The following GPR141 variants were observed in gnomAD, a reference collection of about 807,000 sequenced individuals.
The protein encoded by GPR141 is probable G protein-coupled receptor 141.
Under a neutral mutation model 6.8 loss-of-function variants are expected in GPR141, and 6 were observed. The ratio of observed to expected loss-of-function variants is 0.88; its 90% CI spans 0.48 to 1.74. GPR141 has a LOEUF of 1.74. Ranked by LOEUF, GPR141 falls within the 40% of genes most tolerant of loss-of-function variation. GPR141 has a pLI of 0.01. For missense variants in GPR141, 372 were observed against 372.9 expected (o/e 1.00, Z 0.02); for synonymous variants, 140 against 142.3 (o/e 0.98, Z 0.11).
intron 2 of GPR141, among the ~76,000 whole-genome samples, chr7:37,699,674 A>C (rs1468046865): frequency 6.6e-6 from 1 of 152,252 alleles, no homozygotes; most frequent in African/African-American, 2.4e-5. Flanking sequence ...CTTTTTATCT[A>C]GATGATAAGT....
intron 2 of GPR141, among the ~76,000 whole-genome samples, chr7:37,712,624 C>T (rs1197295824): frequency 6.6e-6 from 1 of 152,164 alleles, no homozygotes; most frequent in Non-Finnish European, 1.5e-5. Context: ...AGATGAGAAA[C>T]AGTGGCTGCC....
chr7:37,728,790 G>A (rs993475401), intron 2 of GPR141, among the ~76,000 whole-genome samples: 2 of 152,132 alleles, frequency 1.3e-5, no homozygotes, highest in African/African-American at 4.8e-5. Flanking sequence ...ATGCAGGCAG[G>A]ATGGGAGAAT....
intron 1 of GPR141, among the ~76,000 whole-genome samples, chr7:37,684,997 C>CA (rs1295736988): frequency 4.6e-5 from 7 of 152,220 alleles, no homozygotes; most frequent in Admixed American, 1.3e-4. Flanking sequence ...ACTTTTTCTA[C>CA]AAAAGCCTTG....
chr7:37,743,645 T>C lies in GPR141; in HGVS notation c.*2334T>C, dbSNP rs903740456. 2.6e-5 allele frequency among the ~76,000 whole-genome samples: 4 copies of C among 152,116 alleles called. No individual in the cohort carries two copies. Among genetic ancestry groups the C allele is most frequent in the African/African-American group, 4.8e-5 (2 of 41,450 alleles). On this transcript the variant is annotated 3_prime_UTR_variant, in exon 3 of 3. Coordinates refer to ENST00000334425, the MANE Select transcript of GPR141 (RefSeq NM_001381946.1). Reference sequence around the variant, plus strand: ...CATACTCTTTTCCAGATTTTAGATATGTTGAGGTCAGGCAATTCAAAAGAA... The same window carrying C: ...CATACTCTTTTCCAGATTTTAGATACGTTGAGGTCAGGCAATTCAAAAGAA...
chr7:37,733,682 A>AAAAAAG (rs1812094418), intron 2 of GPR141, among the ~76,000 whole-genome samples: 1 of 151,372 alleles, frequency 6.6e-6, no homozygotes, highest in Non-Finnish European at 1.5e-5. Flanking sequence ...AAAAAAAAAA[A>AAAAAAG]AAAAAAGAAA....
Position 37,741,315 on chromosome 7 carries a change from C to A in GPR141, c.*4C>A. ...GAATTGTGTTTTGTGCCGTTAGCCA[C>A]AAACTACAGTATTCATATTTGCTTC... On this transcript the variant is annotated 3_prime_UTR_variant, in exon 3 of 3. Coordinates refer to ENST00000334425, the MANE Select transcript of GPR141 (RefSeq NM_001381946.1). The A allele has an allele frequency of 6.4e-7, 1 of 1,567,000 alleles. No individual in the cohort carries two copies.
At chr7:37,704,092 G>A (rs1810414431) in intron 2 of GPR141, among the ~76,000 whole-genome samples, 1 of 152,122 alleles carries the variant, frequency 6.6e-6, no homozygotes, top group African/African-American at 2.4e-5. Context: ...GAGACCCACT[G>A]ATAGTATAGA....
intron 2 of GPR141, among the ~76,000 whole-genome samples, chr7:37,714,057 G>A (rs1454496491): frequency 1.3e-5 from 2 of 150,226 alleles, no homozygotes; most frequent in African/African-American, 2.5e-5. Context: ...ATCATGTCCC[G>A]TCCTCTTACC....
chr7:37,734,605 T>C (rs1326705858), intron 2 of GPR141, among the ~76,000 whole-genome samples: 1 of 152,194 alleles, frequency 6.6e-6, no homozygotes, highest in Non-Finnish European at 1.5e-5. Flanking sequence ...TAATCACCCT[T>C]GTAGAGGTGA....
At chr7:37,707,981 G>C (rs757126108) in intron 2 of GPR141, among the ~76,000 whole-genome samples, 1 of 152,164 alleles carries the variant, frequency 6.6e-6, no homozygotes, top group African/African-American at 2.4e-5. Context: ...TCTCAAAACA[G>C]AGTGTGAATA....
At chr7:37,722,923 T>C (rs923034865) in intron 2 of GPR141, among the ~76,000 whole-genome samples, 22 of 112,212 alleles carry the variant, frequency 2.0e-4, no homozygotes, top group South Asian at 3.2e-4. Flanking sequence ...TTCTTTTTCC[T>C]TTCCTTCCTT....
intron 2 of GPR141, among the ~76,000 whole-genome samples, chr7:37,697,260 C>T (rs894286959): frequency 4.6e-5 from 7 of 152,026 alleles, no homozygotes; most frequent in African/African-American, 1.7e-4. Flanking sequence ...AGATCTAAAA[C>T]AGGCCAATTC....
At chr7:37,696,483 T>C in intron 2 of GPR141, among the ~76,000 whole-genome samples, 1 of 152,260 alleles carries the variant, frequency 6.6e-6, no homozygotes, top group East Asian at 1.9e-4. Context: ...ACATATATTG[T>C]CAATTCCCTT....
At chr7:37,696,298 G>T (rs12538432) in intron 2 of GPR141, among the ~76,000 whole-genome samples, 1 of 151,962 alleles carries the variant, frequency 6.6e-6, no homozygotes, top group African/African-American at 2.4e-5. Flanking sequence ...TTTGGTAGGT[G>T]AGGTATGTTA....
chr7:37,707,488 G>T (rs1325875254), intron 2 of GPR141, among the ~76,000 whole-genome samples: 1 of 152,044 alleles, frequency 6.6e-6, no homozygotes, highest in South Asian at 2.1e-4. Context: ...TCTGAGGAAG[G>T]TACTGAAAAC....
intron 2 of GPR141, among the ~76,000 whole-genome samples, chr7:37,739,478 C>T (rs1812421373): frequency 1.3e-5 from 2 of 152,146 alleles, no homozygotes; most frequent in South Asian, 4.1e-4. Flanking sequence ...ACATTCCAGA[C>T]ATGTAAGGCT....
Position 37,737,712 on chromosome 7 carries a change from AT to A in GPR141, c.-14-2666del, listed in dbSNP as rs202014255. On this transcript the variant is annotated intron_variant, in intron 2 of 2. Coordinates refer to ENST00000334425, the MANE Select transcript of GPR141 (RefSeq NM_001381946.1). ...CACCTCTGGTCTAATCTGTCTGCAC[AT>A]TGACATCCCTCATTTGGTTCACTTT... Among the ~76,000 whole-genome samples the A allele has an allele frequency of 3.1e-3, 478 of 152,232 alleles. 15 individuals are homozygous for A. In the East Asian group the frequency reaches 0.056, roughly 18 times the overall value.
chr7:37,696,605 C>A (rs1311695656), intron 2 of GPR141, among the ~76,000 whole-genome samples: 1 of 151,770 alleles, frequency 6.6e-6, no homozygotes, highest in African/African-American at 2.4e-5. Context: ...GAATTGTTCT[C>A]ATTTCTCTGT....
chr7:37,692,084 T>G (rs1206404997), intron 2 of GPR141, among the ~76,000 whole-genome samples: 1 of 152,120 alleles, frequency 6.6e-6, no homozygotes, highest in Non-Finnish European at 1.5e-5. Flanking sequence ...GCCATGGTGG[T>G]TTGCTGCACC....
Sources: allele counts gnomAD v4.1 joint callset (sites outside exome capture counted in the v4.1 genomes callset), GRCh38; gene constraint gnomAD v4.1.1; transcripts MANE v1.5; gene names NCBI Gene and HGNC (gene_info 2026-07-23, HGNC 2026-07-21).